LSS: variants seen among roughly 807,000 people sequenced by gnomAD.
LSS encodes the protein 2,3-epoxysqualene-lanosterol cyclase.
In LSS, 90 loss-of-function variants were observed where a neutral mutation model predicts 110.3. The observed-to-expected ratio is 0.82, with a 90% CI of 0.69 to 0.97. The LOEUF is 0.97. LSS is among the 50% of genes least tolerant of loss of function. LSS has a pLI of 0.00. For synonymous variants in LSS, 433 were observed against 400.0 expected, an observed-to-expected ratio of 1.08 and a Z score of -0.98; for missense variants, 927 against 990.0, an observed-to-expected ratio of 0.94 and a Z score of 0.85.
intron 18 of LSS, among the ~76,000 whole-genome samples, 171 bp from the exon 19 acceptor site, chr21:46,195,927 A>T (rs1234997129): frequency 6.6e-6 from 1 of 152,222 alleles, no homozygotes; most frequent in East Asian, 1.9e-4. Context: ...CCTAAGAGCA[A>T]GCAGAAAGGG....
At position 46,216,543 on chromosome 21, in the gene LSS, T is replaced by G. The variant is rs1333823066; in HGVS notation, c.648-19A>C. On this transcript the variant is annotated intron_variant, in intron 6 of 21. Coordinates refer to ENST00000397728, the MANE Select transcript of LSS (RefSeq NM_002340.6). This position sits in a 1 kb window ranked among gnomAD's most constrained non-coding sequence, Gnocchi z 4.2. ...AAACAGCCTGGGGCAACAGCAGGAG[T>G]CAGTGGGAGACCCCAAGACTCAAGC... 1 of 1,577,076 alleles carries G rather than the reference T, an allele frequency of 6.3e-7. No homozygotes were observed. The highest frequency in any genetic ancestry group is 1.1e-5 in the South Asian group (1 of 87,220).
At chr21:46,226,825 G>A (rs549248601) in intron 3 of LSS, among the ~76,000 whole-genome samples, 13 of 152,218 alleles carry the variant, frequency 8.5e-5, no homozygotes, top group East Asian at 3.9e-4. Flanking sequence ...TAAAAAGAAA[G>A]GCAACAAAGG....
At chr21:46,202,380 C>A (rs564686446) in intron 17 of LSS, among the ~76,000 whole-genome samples, 18 of 139,134 alleles carry the variant, frequency 1.3e-4, no homozygotes, top group African/African-American at 4.2e-4. Context: ...GGCGACAGAG[C>A]GAGACTCCGT....
intron 5 of LSS, among the ~76,000 whole-genome samples, chr21:46,219,915 C>T (rs1313200644): frequency 1.3e-5 from 2 of 152,204 alleles, no homozygotes; most frequent in African/African-American, 2.4e-5. Flanking sequence ...GAGCGAGGGG[C>T]CCAGGTGCAC....
Position 46,195,723 on chromosome 21 carries a change from C to G in LSS, c.1770G>C (p.Trp590Cys). ...TACAGGCGAAGGCCTCCAGGCCAAA[C>G]CAGGTGCCGTAGGTGAAGCAAACTC... Reference protein sequence around the residue: ...SWGVCFTYGTWFGLEAFACMG... With the variant: ...SWGVCFTYGTCFGLEAFACMG... Residue 590 changes from tryptophan (W) to cysteine (C), a missense_variant, in exon 19 of 22, where the codon TGG (tryptophan) becomes TGC (cysteine). Physicochemically the swap from Trp to Cys is radical, Grantham distance 215 (BLOSUM62 -2). Coordinates refer to ENST00000397728, the MANE Select transcript of LSS (RefSeq NM_002340.6). 1 of 1,613,894 alleles carries G rather than the reference C, an allele frequency of 6.2e-7. No homozygotes were observed. The highest frequency in any genetic ancestry group is 8.5e-7 in the Non-Finnish European group (1 of 1,180,030).
intron 17 of LSS, among the ~76,000 whole-genome samples, chr21:46,196,563 G>A (rs370599033): frequency 5.2e-4 from 79 of 152,234 alleles, no homozygotes; most frequent in African/African-American, 1.8e-3. Flanking sequence ...AGTGACCCAG[G>A]CTTGAGCAAA....
chr21:46,219,835 C>T (rs1391125437), intron 5 of LSS, among the ~76,000 whole-genome samples: 1 of 152,194 alleles, frequency 6.6e-6, no homozygotes, highest in Non-Finnish European at 1.5e-5. Flanking sequence ...TGTTTGCAAC[C>T]CCTGGCCCCA....
intron 9 of LSS, among the ~76,000 whole-genome samples, chr21:46,214,850 G>A (rs2123740621): frequency 6.6e-6 from 1 of 152,278 alleles, no homozygotes; most frequent in Admixed American, 6.5e-5. Flanking sequence ...GGAACCAAGT[G>A]AGGAAAAAGC....
intron 6 of LSS, among the ~76,000 whole-genome samples, chr21:46,218,139 A>AC (rs202056351): frequency 0.056 from 6,422 of 114,688 alleles, 189 homozygotes; most frequent in Non-Finnish European, 0.077. Context: ...AACACAAGGG[A>AC]CCCCCCCAGC....
intron 17 of LSS, among the ~76,000 whole-genome samples, chr21:46,205,019 A>G (rs1174647602): frequency 6.6e-6 from 1 of 152,248 alleles, no homozygotes; most frequent in Non-Finnish European, 1.5e-5. Context: ...TAATCGTGAT[A>G]GGATAAAGAA....
At chr21:46,225,758 C>G (rs1449676888) in intron 3 of LSS, among the ~76,000 whole-genome samples, 2 of 152,208 alleles carry the variant, frequency 1.3e-5, no homozygotes, top group Non-Finnish European at 2.9e-5. Context: ...CAGGGAAGAG[C>G]CCACTGTCCA....
intron 9 of LSS, among the ~76,000 whole-genome samples, chr21:46,214,335 A>C (rs1394880071): frequency 6.6e-6 from 1 of 152,228 alleles, no homozygotes; most frequent in African/African-American, 2.4e-5. Flanking sequence ...GCATGTTTCT[A>C]ATGCGTTTAG....
In LSS at chr21:46,209,463, G is replaced by A; in HGVS notation, c.1266+91C>T. On this transcript the variant is annotated intron_variant, in intron 13 of 21. Coordinates refer to ENST00000397728, the MANE Select transcript of LSS (RefSeq NM_002340.6). This position sits in a 1 kb window ranked among gnomAD's most constrained non-coding sequence, Gnocchi z 4.4. ...AACACCAGTGCAGGAAATAGGGCAGGGTGGAGGTGAGGTGGGCACTTCTGC... is the reference window on the plus strand; with the variant it reads ...AACACCAGTGCAGGAAATAGGGCAGAGTGGAGGTGAGGTGGGCACTTCTGC... The A allele has an allele frequency of 8.6e-7, 1 of 1,168,742 alleles. No homozygotes were observed. 72.4% of individuals were successfully genotyped at this position (1,168,742 alleles called of 1,614,324 possible).
intron 14 of LSS, among the ~76,000 whole-genome samples, 199 bp downstream of exon 14, chr21:46,208,052 A>G (rs779970481): frequency 3.3e-5 from 5 of 152,244 alleles, no homozygotes; most frequent in Non-Finnish European, 7.3e-5. Flanking sequence ...GTGCAAGCCA[A>G]CTGTGCCTCC....
Position 46,226,974 on chromosome 21 carries a change from A to G in LSS, c.319+578T>C, listed in dbSNP as rs571287300. On this transcript the variant is annotated intron_variant, in intron 3 of 21. Transcript: ENST00000397728. ...CAATGTGATTACAAGTCACTAGGGAAAAAAGTCCTATTGCATAAATTCATA... is the reference window on the plus strand; with the variant it reads ...CAATGTGATTACAAGTCACTAGGGAGAAAAGTCCTATTGCATAAATTCATA... Among the ~76,000 whole-genome samples, 3 of 152,378 alleles carry G rather than the reference A, an allele frequency of 2.0e-5. No individual in the cohort carries two copies. In the East Asian group the frequency reaches 5.8e-4, roughly 29 times the overall value.
chr21:46,221,527 TTTA>T (rs1193329036), intron 5 of LSS, among the ~76,000 whole-genome samples: 1 of 152,092 alleles, frequency 6.6e-6, no homozygotes, highest in Non-Finnish European at 1.5e-5. Context: ...TGGCTAATAT[TTTA>T]TTGTTTTTGT....
intron 11 of LSS, among the ~76,000 whole-genome samples, chr21:46,212,434 C>T (rs1434921436): frequency 1.3e-5 from 2 of 152,338 alleles, no homozygotes; most frequent in Admixed American, 6.5e-5. Flanking sequence ...CACAGAGGGG[C>T]GCAGGCTCAG....
At chr21:46,218,204 G>A (rs957191034) in intron 6 of LSS, among the ~76,000 whole-genome samples, 3 of 150,262 alleles carry the variant, frequency 2.0e-5, no homozygotes, top group African/African-American at 7.4e-5. Flanking sequence ...AACACTCAAG[G>A]AAGCCAGCAG....
In LSS at chr21:46,209,889, T is replaced by C. The variant is rs1382415904; in HGVS notation, c.1195-264A>G. Among the ~76,000 whole-genome samples the C allele has an allele frequency of 1.3e-5, 2 of 152,172 alleles. No homozygotes were observed. Among genetic ancestry groups the C allele is most frequent in the Non-Finnish European group, 2.9e-5 (2 of 68,020 alleles). ...CACCCCCCTGCCTGGCCAGCATCCATGCCCAGAGGGTCTCCAGCACCCTGT... is the reference window on the plus strand; with the variant it reads ...CACCCCCCTGCCTGGCCAGCATCCACGCCCAGAGGGTCTCCAGCACCCTGT... On this transcript the variant is annotated intron_variant, in intron 12 of 21. Transcript: ENST00000397728. This position sits in a 1 kb window ranked among gnomAD's most constrained non-coding sequence, Gnocchi z 4.4.
Sources: gnomAD v4.1 joint callset for allele counts (sites outside exome capture counted in the v4.1 genomes callset) on GRCh38, gnomAD v4.1.1 for gene constraint, Gnocchi (gnomAD v3.1) non-coding constraint, MANE v1.5 for transcripts, NCBI Gene and HGNC (gene_info 2026-07-23, HGNC 2026-07-21) for gene names.